C3orf49: variants seen among roughly 807,000 people sequenced by gnomAD.
C3orf49 encodes putative uncharacterized protein C3orf49.
C3orf49 carries 27 observed loss-of-function variants against 13.3 expected under a neutral mutation model. The observed-to-expected ratio is 2.02, with a 90% CI of 1.49 to 2.79. C3orf49 has a LOEUF of 2.79. Among genes scored for constraint, C3orf49 ranks in the 30% most tolerant of loss-of-function variants. C3orf49 has a pLI of 0.00. For synonymous variants in C3orf49, 87 were observed against 47.6 expected (o/e 1.83, Z -3.40); for missense variants, 242 against 134.2 (o/e 1.80, Z -3.97).
the C3orf49 span, among the ~76,000 whole-genome samples, chr3:63,808,274 C>CT: frequency 6.6e-6 from 1 of 152,124 alleles, no homozygotes; most frequent in Non-Finnish European, 1.5e-5. Context: ...TGTAGAGTTT[C>CT]TTTTTACATA....
the C3orf49 span, among the ~76,000 whole-genome samples, chr3:63,781,882 G>T: frequency 2.0e-5 from 3 of 152,148 alleles, no homozygotes; most frequent in East Asian, 5.8e-4. Context: ...AGGAAGTAGG[G>T]ACCATTTTTT....
intron 2 of C3orf49, among the ~76,000 whole-genome samples, chr3:63,825,549 A>C (rs1701455924): frequency 1.3e-5 from 2 of 152,198 alleles, no homozygotes; most frequent in Admixed American, 1.3e-4. Context: ...TAATCTGTGC[A>C]CTGGTTTATT....
intron 2 of C3orf49, 122 bp downstream of exon 2, chr3:63,823,691 A>G: frequency 1.7e-6 from 1 of 605,740 alleles, no homozygotes; most frequent in Non-Finnish European, 2.9e-6. Flanking sequence ...GCAGAATCTC[A>G]GGCCCTACCT....
chr3:63,798,814 C>A, the C3orf49 span, among the ~76,000 whole-genome samples: 1 of 152,122 alleles, frequency 6.6e-6, no homozygotes, highest in Admixed American at 6.6e-5. Flanking sequence ...GAGAACATTG[C>A]ATAGACCTTC....
At chr3:63,813,729 G>A in the C3orf49 span, among the ~76,000 whole-genome samples, 2 of 152,158 alleles carry the variant, frequency 1.3e-5, no homozygotes, top group South Asian at 4.1e-4. Flanking sequence ...AGTTGTTGCT[G>A]AGTGATCTGT....
chr3:63,784,043 C>T, the C3orf49 span, among the ~76,000 whole-genome samples: 1 of 151,982 alleles, frequency 6.6e-6, no homozygotes, highest in African/African-American at 2.4e-5. Context: ...GCTCAGTGAC[C>T]CTAGAAGCTC....
the C3orf49 span, among the ~76,000 whole-genome samples, chr3:63,792,089 A>G: frequency 3.3e-5 from 5 of 152,366 alleles, no homozygotes; most frequent in African/African-American, 1.2e-4. Context: ...ATAATAATTC[A>G]TTGTGCAATT....
At chr3:63,824,836 C>CAAAAAA (rs34464702) in intron 2 of C3orf49, among the ~76,000 whole-genome samples, 13 of 107,746 alleles carry the variant, frequency 1.2e-4, no homozygotes, top group South Asian at 3.1e-4. Flanking sequence ...GACCCTGTCT[C>CAAAAAA]AAAAAAAAAA....
chr3:63,808,348 G>A, the C3orf49 span, among the ~76,000 whole-genome samples: 2 of 152,150 alleles, frequency 1.3e-5, no homozygotes, highest in East Asian at 1.9e-4. Flanking sequence ...CCTAAATGAT[G>A]TTATTTCATA....
At chr3:63,795,808 T>G in the C3orf49 span, among the ~76,000 whole-genome samples, 1 of 151,982 alleles carries the variant, frequency 6.6e-6, no homozygotes, top group Non-Finnish European at 1.5e-5. Context: ...CCTCCTCAAC[T>G]TCATTTCTCT....
rs546070554 is a variant in C3orf49, at chr3:63,844,970, T to C, written c.850-53T>C. ...CAAGTGTTGCCCAAGTCTAGAATCA[T>C]AAATAAAGACAATTGAGATCTTTAC... On this transcript the variant is annotated intron_variant, in intron 5 of 6. Transcript: ENST00000295896. 3.5e-4 allele frequency: 230 copies of C among 655,856 alleles called. No homozygotes were observed. The African/African-American group carries it at 3.6e-3, about 10-fold the overall frequency. The allele number at this position is 655,856 out of a possible 1,614,324, so 40.6% of individuals were successfully genotyped here.
chr3:63,783,108 G>C, the C3orf49 span: 1 of 152,038 alleles, frequency 6.6e-6, no homozygotes, highest in Non-Finnish European at 1.5e-5. Context: ...ATTTGCCCAG[G>C]ACTGTCCAGG....
the C3orf49 span, chr3:63,786,078 A>G: frequency 2.0e-5 from 3 of 152,180 alleles, no homozygotes; most frequent in Non-Finnish European, 4.4e-5. Flanking sequence ...AGTACTGTTT[A>G]TTGGACAGTA....
chr3:63,847,864 G>C (rs1401021551), intron 6 of C3orf49, among the ~76,000 whole-genome samples: 2 of 152,188 alleles, frequency 1.3e-5, no homozygotes, highest in Non-Finnish European at 2.9e-5. Flanking sequence ...CCAATTGAAT[G>C]GACACCCATT....
In C3orf49 at chr3:63,830,983, A is replaced by G. The variant is rs943122859; in HGVS notation, c.571-127A>G. 135 of 584,118 alleles carry G rather than the reference A, an allele frequency of 2.3e-4. No homozygotes were observed. In the Middle Eastern group the frequency reaches 3.9e-3, roughly 17 times the overall value. The allele number at this position is 584,118 out of a possible 1,614,324, so 36.2% of individuals were successfully genotyped here. ...TAATATGAATACAGTCTGCAATCCA[A>G]TATTGTTATGTGGCAAATGTTCAGT... On this transcript the variant is annotated intron_variant, in intron 3 of 6. Transcript: ENST00000295896.
the C3orf49 span, among the ~76,000 whole-genome samples, chr3:63,789,768 G>C: frequency 7.5e-6 from 1 of 132,610 alleles, no homozygotes; most frequent in South Asian, 2.4e-4. Context: ...CCAAGATGGC[G>C]CCACCGCACT....
intron 6 of C3orf49, 111 bp downstream of exon 6, chr3:63,845,193 G>A (rs1015822627): frequency 1.0e-5 from 5 of 482,008 alleles, no homozygotes; most frequent in East Asian, 6.0e-5. Context: ...ATTTAAGCTC[G>A]CTGATATCTT....
chr3:63,834,526 G>T (rs932184093), intron 5 of C3orf49, among the ~76,000 whole-genome samples: 1 of 151,918 alleles, frequency 6.6e-6, no homozygotes, highest in Non-Finnish European at 1.5e-5. Context: ...TGGGTGTGGT[G>T]GCATGCACCT....
intron 5 of C3orf49, chr3:63,836,281 A>T (rs758256511): frequency 3.7e-6 from 6 of 1,607,992 alleles, no homozygotes; most frequent in Non-Finnish European, 5.1e-6. Context: ...GTTCCTTTCA[A>T]AGTAAAGCTC....
Sources: gnomAD v4.1 joint callset for allele counts (sites outside exome capture counted in the v4.1 genomes callset) on GRCh38, gnomAD v4.1.1 for gene constraint, MANE v1.5 for transcripts, NCBI Gene and HGNC (gene_info 2026-07-23, HGNC 2026-07-21) for gene names.